Variants in ZNF185 observed in about 807,000 individuals in gnomAD.
ZNF185 encodes zinc finger protein 185.
ZNF185 carries 56 observed loss-of-function variants against 58.6 expected under a neutral mutation model. That is an observed-to-expected ratio of 0.95 (90% CI 0.77 to 1.19). ZNF185 has a LOEUF of 1.19. Ranked by LOEUF, ZNF185 falls within the 50% of genes most tolerant of loss-of-function variation. The probability of loss-of-function intolerance (pLI) is 0.00; values close to 1 mark genes in which losing one functional copy is unlikely to be tolerated. For synonymous variants in ZNF185, 230 were observed against 215.9 expected, an observed-to-expected ratio of 1.07 and a Z score of -0.57; for missense variants, 627 against 573.5, an observed-to-expected ratio of 1.09 and a Z score of -0.95.
At chrX:152,942,871 C>G (rs782819459) in intron 15 of ZNF185, among the ~76,000 whole-genome samples, 1 of 110,951 alleles carries the variant, frequency 9.0e-6, no homozygotes, top group Admixed American at 9.6e-5. Context: ...TTTGAGAGGC[C>G]GAGGCGGGAA....
intron 16 of ZNF185, among the ~76,000 whole-genome samples, chrX:152,947,119 A>G (rs1324496030): frequency 1.8e-5 from 2 of 111,975 alleles, no homozygotes; most frequent in African/African-American, 3.3e-5. Flanking sequence ...GGTGGCTCAC[A>G]CCTGTCATCC....
At chrX:152,970,983 C>T (rs192827243) in intron 22 of ZNF185, among the ~76,000 whole-genome samples, 24 of 112,047 alleles carry the variant, frequency 2.1e-4, no homozygotes, top group Admixed American at 6.6e-4. Context: ...ACTGCATAGC[C>T]ATGGTGCTCA....
chrX:152,958,483 C>T (rs563327770), intron 16 of ZNF185, among the ~76,000 whole-genome samples: 2 of 111,415 alleles, frequency 1.8e-5, no homozygotes, highest in African/African-American at 6.5e-5. Flanking sequence ...TGGCCAGGCA[C>T]GGTGGCTCAC....
chrX:152,939,885 C>T (rs1192896458), intron 15 of ZNF185, among the ~76,000 whole-genome samples: 1 of 97,414 alleles, frequency 1.0e-5, no homozygotes, highest in Non-Finnish European at 2.0e-5. Context: ...TGGGTTCAAA[C>T]GATTCTCCTG....
At chrX:152,914,883 C>A in intron 2 of ZNF185, 50 bp downstream of exon 3, 1 of 1,146,373 alleles carries the variant, frequency 8.7e-7, no homozygotes, top group Non-Finnish European at 1.2e-6. Flanking sequence ...GGCGCGCAAT[C>A]CGTGGGGGAC....
chrX:152,931,594 G>C (rs981629538), intron 12 of ZNF185, 78 bp from the exon 14 acceptor site: 1 of 882,662 alleles, frequency 1.1e-6, no homozygotes, highest in Admixed American at 3.1e-5. Flanking sequence ...GACAGCTGGC[G>C]TTTGAGGATG....
chrX:152,900,301 GGTGCATTCTGGA>G, the ZNF185 span, among the ~76,000 whole-genome samples: 3 of 112,879 alleles, frequency 2.7e-5, no homozygotes, highest in South Asian at 1.1e-3. Context: ...ATTCTGGCTC[GGTGCATTCTGGA>G]AGCCAGAAGC....
At chrX:152,936,691 GGAA>G (rs2046324689) in intron 14 of ZNF185, among the ~76,000 whole-genome samples, 178 bp downstream of exon 16, 1 of 110,768 alleles carries the variant, frequency 9.0e-6, no homozygotes, top group African/African-American at 3.3e-5. Context: ...CAGGGGCAGT[GGAA>G]GAAGAGGGAT....
chrX:152,914,633 C>T, intron 1 of ZNF185, 77 bp from the exon 3 acceptor site: 1 of 1,170,428 alleles, frequency 8.5e-7, no homozygotes, highest in East Asian at 3.1e-5. Context: ...GAGCAGCATA[C>T]TGGGAGAACT....
chrX:152,924,591 C>T (rs1173712227), intron 11 of ZNF185, among the ~76,000 whole-genome samples: 2 of 112,162 alleles, frequency 1.8e-5, no homozygotes, highest in African/African-American at 6.5e-5. Flanking sequence ...ACAAGTCAGC[C>T]CATAACAGTA....
intron 16 of ZNF185, among the ~76,000 whole-genome samples, chrX:152,959,100 G>C (rs1460581823): frequency 8.9e-6 from 1 of 112,801 alleles, no homozygotes; most frequent in Non-Finnish European, 1.9e-5. Context: ...ATGGGTCTAG[G>C]GTTCTCATAA....
the ZNF185 span, among the ~76,000 whole-genome samples, chrX:152,899,619 A>G: frequency 1.8e-5 from 2 of 112,739 alleles, no homozygotes; most frequent in Admixed American, 9.3e-5. Context: ...AGATCTGTTC[A>G]TTTCCATCCT....
chrX:152,938,195 G>T (rs1197853696), intron 15 of ZNF185, 32 bp downstream of exon 17: 3 of 1,148,204 alleles, frequency 2.6e-6, no homozygotes, highest in Admixed American at 5.2e-5. Flanking sequence ...CTGAACTTCT[G>T]GGGTGGAGAG....
At chrX:152,963,539 G>A (rs996498735) in intron 17 of ZNF185, among the ~76,000 whole-genome samples, 1 of 111,814 alleles carries the variant, frequency 8.9e-6, no homozygotes, top group Non-Finnish European at 1.9e-5. Flanking sequence ...ATCCCCGGGA[G>A]CCCCATGATT....
chrX:152,967,137 CCCT>C, intron 19 of ZNF185, 27 bp from the exon 22 acceptor site: 1 of 1,188,450 alleles, frequency 8.4e-7, no homozygotes, highest in Non-Finnish European at 1.1e-6. Flanking sequence ...CTCATCTCTG[CCCT>C]CCTCTCCCCT....
intron 9 of ZNF185, 100 bp from the exon 11 acceptor site, chrX:152,922,073 G>A: frequency 2.3e-6 from 2 of 886,603 alleles, no homozygotes; most frequent in Non-Finnish European, 1.6e-6. Flanking sequence ...ATCCTGAAGG[G>A]TTGGGTCAGT....
chrX:152,922,801 G>A, exon 11 of ZNF185: 3 of 1,194,779 alleles, frequency 2.5e-6, no homozygotes, highest in Non-Finnish European at 3.4e-6. Flanking sequence ...CTGGGAGCCA[G>A]GAGCTCAGGT....
chrX:152,965,943 T>C (rs782466030), intron 19 of ZNF185, among the ~76,000 whole-genome samples: 75 of 110,833 alleles, frequency 6.8e-4, no homozygotes, highest in African/African-American at 2.1e-3. Flanking sequence ...TGAACACACA[T>C]GTGACTGCAG....
chrX:152,905,862 C>T, the ZNF185 span, among the ~76,000 whole-genome samples: 1 of 111,090 alleles, frequency 9.0e-6, no homozygotes, highest in Non-Finnish European at 1.9e-5. Context: ...CAGGGACTCC[C>T]CTCCAGAGTC....
Sources: gnomAD v4.1 joint callset for allele counts (sites outside exome capture counted in the v4.1 genomes callset) on GRCh38, gnomAD v4.1.1 for gene constraint, MANE v1.5 for transcripts, NCBI Gene and HGNC (gene_info 2026-07-23, HGNC 2026-07-21) for gene names.